The following PRKG1 variants were observed in gnomAD, a reference collection of about 807,000 sequenced individuals.
The protein encoded by PRKG1 is cGMP-dependent protein kinase 1.
Under a neutral mutation model 88.1 loss-of-function variants are expected in PRKG1, and 35 were observed. The ratio of observed to expected loss-of-function variants is 0.40; its 90% CI spans 0.30 to 0.53. The LOEUF (loss-of-function observed/expected upper bound fraction) is 0.53. Ranked by LOEUF, PRKG1 falls within the 20% of genes least tolerant of loss-of-function variation. The pLI is 0.59. For missense variants in PRKG1, 540 were observed against 839.8 expected, an observed-to-expected ratio of 0.64 and a Z score of 4.41; for synonymous variants, 303 against 292.5, an observed-to-expected ratio of 1.04 and a Z score of -0.37.
intron 2 of PRKG1, among the ~76,000 whole-genome samples, chr10:51,462,623 AGCATAAATGG>A (rs1306658676): frequency 6.6e-6 from 1 of 152,184 alleles, no homozygotes; most frequent in African/African-American, 2.4e-5. Context: ...CTCATTCCAG[AGCATAAATGG>A]GCATGTGTTA....
At chr10:51,581,115 A>C (rs967877465) in intron 3 of PRKG1, among the ~76,000 whole-genome samples, 21 of 152,300 alleles carry the variant, frequency 1.4e-4, no homozygotes, top group Non-Finnish European at 3.1e-4. Flanking sequence ...ATTTAGGGTC[A>C]TTTGACTATG....
intron 10 of PRKG1, among the ~76,000 whole-genome samples, chr10:52,264,252 T>C (rs924794465): frequency 6.6e-6 from 1 of 152,088 alleles, no homozygotes; most frequent in Non-Finnish European, 1.5e-5. Flanking sequence ...GTCTAGTGGT[T>C]TGTTTACTGA....
intron 2 of PRKG1, among the ~76,000 whole-genome samples, chr10:51,194,782 A>G (rs1837719915): frequency 6.6e-6 from 1 of 152,154 alleles, no homozygotes; most frequent in Non-Finnish European, 1.5e-5. Flanking sequence ...AGGGCCCAGC[A>G]TCTTGCAAGA....
At chr10:51,201,508 T>G (rs766849138) in intron 2 of PRKG1, among the ~76,000 whole-genome samples, 16 of 152,202 alleles carry the variant, frequency 1.1e-4, no homozygotes, top group Admixed American at 3.9e-4. Flanking sequence ...AGCCATGTAT[T>G]TTTATTTGTG....
At chr10:51,194,966 A>G (rs1362969487) in intron 2 of PRKG1, among the ~76,000 whole-genome samples, 1 of 152,164 alleles carries the variant, frequency 6.6e-6, no homozygotes, top group Non-Finnish European at 1.5e-5. Flanking sequence ...ATAACCTCTT[A>G]AAAGTCTCAC....
intron 5 of PRKG1, among the ~76,000 whole-genome samples, chr10:51,962,405 G>A (rs1259449265): frequency 6.6e-6 from 1 of 152,092 alleles, no homozygotes; most frequent in Non-Finnish European, 1.5e-5. Flanking sequence ...ACTGTTCTGT[G>A]AATTCCATGA....
intron 7 of PRKG1, among the ~76,000 whole-genome samples, chr10:52,133,008 G>A (rs185354245): frequency 8.7e-5 from 13 of 149,948 alleles, no homozygotes; most frequent in Admixed American, 7.3e-4. Flanking sequence ...ATTGACTATC[G>A]TCATCATATT....
chr10:52,028,090 G>A (rs1019689213), intron 5 of PRKG1, among the ~76,000 whole-genome samples: 9 of 151,870 alleles, frequency 5.9e-5, no homozygotes, highest in Admixed American at 3.3e-4. Context: ...CGCCCAGCCC[G>A]TCTATATTTT....
chr10:51,514,626 C>G (rs1279242692), intron 3 of PRKG1, among the ~76,000 whole-genome samples: 5 of 152,110 alleles, frequency 3.3e-5, no homozygotes, highest in Non-Finnish European at 5.9e-5. Flanking sequence ...AATTATGTGG[C>G]AAGGTGGCAA....
chr10:51,354,297 C>A (rs1040005217), intron 2 of PRKG1, among the ~76,000 whole-genome samples: 3 of 151,856 alleles, frequency 2.0e-5, no homozygotes, highest in Non-Finnish European at 4.4e-5. Flanking sequence ...TTAAAAATAA[C>A]TAAAAGAGTA....
intron 2 of PRKG1, among the ~76,000 whole-genome samples, chr10:51,360,755 C>G (rs1382156052): frequency 1.3e-5 from 2 of 151,766 alleles, no homozygotes; most frequent in South Asian, 4.1e-4. Context: ...AAGTTGTTTC[C>G]TTTAGTAGTA....
intron 3 of PRKG1, among the ~76,000 whole-genome samples, chr10:51,501,473 C>T (rs1841021680): frequency 6.6e-6 from 1 of 152,092 alleles, no homozygotes; most frequent in Non-Finnish European, 1.5e-5. Flanking sequence ...TGTAGAACAT[C>T]TTCCACTGTA....
chr10:52,149,510 G>C (rs753807230), intron 8 of PRKG1, among the ~76,000 whole-genome samples: 2 of 152,038 alleles, frequency 1.3e-5, no homozygotes, highest in African/African-American at 2.4e-5. Flanking sequence ...AGGTCATAAG[G>C]GTGGGGCCCT....
At chr10:51,164,228 T>C (rs1846460724) in intron 2 of PRKG1, among the ~76,000 whole-genome samples, 2 of 152,176 alleles carry the variant, frequency 1.3e-5, no homozygotes, top group Non-Finnish European at 2.9e-5. Context: ...GACAGCAGCA[T>C]TCACGGTTCA....
At chr10:51,549,141 T>TTTTTTTTTTTTTTTTTTTTTTTTTG (rs1554820705) in intron 3 of PRKG1, among the ~76,000 whole-genome samples, 2 of 137,974 alleles carry the variant, frequency 1.4e-5, no homozygotes, top group Non-Finnish European at 3.1e-5. Context: ...TTTTTTTTTT[T>TTTTTTTTTTTTTTTTTTTTTTTTTG]GAGACAGAGT....
intron 3 of PRKG1, among the ~76,000 whole-genome samples, chr10:51,767,714 G>C (rs564615180): frequency 7.9e-5 from 12 of 152,022 alleles, no homozygotes; most frequent in Non-Finnish European, 1.5e-4. Context: ...AATATGAATA[G>C]ATGATCTCAC....
intron 7 of PRKG1, among the ~76,000 whole-genome samples, chr10:52,123,165 C>T (rs1847859292): frequency 6.6e-6 from 1 of 152,140 alleles, no homozygotes; most frequent in Non-Finnish European, 1.5e-5. Context: ...ATTCATTATG[C>T]TATCAACCCA....
intron 5 of PRKG1, among the ~76,000 whole-genome samples, chr10:52,023,961 G>T (rs1023798541): frequency 6.6e-6 from 1 of 152,214 alleles, no homozygotes; most frequent in East Asian, 1.9e-4. Flanking sequence ...CATTGCTTTT[G>T]GTGGTTTAGT....
chr10:51,334,797 G>T (rs1368425401), intron 2 of PRKG1, among the ~76,000 whole-genome samples: 2 of 152,100 alleles, frequency 1.3e-5, no homozygotes, highest in African/African-American at 4.8e-5. Context: ...TTAAACAGGA[G>T]CATGGTGACT....
Sources: gnomAD v4.1 joint callset for allele counts (sites outside exome capture counted in the v4.1 genomes callset) on GRCh38, gnomAD v4.1.1 for gene constraint, MANE v1.5 for transcripts, NCBI Gene and HGNC (gene_info 2026-07-23, HGNC 2026-07-21) for gene names.